The following ZEB2 variants were observed in gnomAD, a reference collection of about 807,000 sequenced individuals.
ZEB2 encodes zinc finger E-box-binding homeobox 2.
A neutral mutation model predicts 99.9 loss-of-function variants in ZEB2; 6 were observed. The observed-to-expected ratio is 0.06, with a 90% CI of 0.03 to 0.12. The LOEUF (loss-of-function observed/expected upper bound fraction) is 0.12. ZEB2 is among the 10% of genes least tolerant of loss of function. The probability of loss-of-function intolerance (pLI) is 1.00; values close to 1 mark genes in which losing one functional copy is unlikely to be tolerated. For synonymous variants in ZEB2, 517 were observed against 542.5 expected, an observed-to-expected ratio of 0.95 and a Z score of 0.65; for missense variants, 969 against 1,502.8, an observed-to-expected ratio of 0.64 and a Z score of 5.87.
At chr2:144,511,435 T>G (rs1293753026) in intron 2 of ZEB2, 1 of 1,245,924 alleles carries the variant, frequency 8.0e-7, no homozygotes, top group African/African-American at 1.6e-5. Flanking sequence ...GTTACACTTT[T>G]CCTGAGAGAT....
rs142587980 is a variant in ZEB2, at chr2:144,458,500, T to C, written c.74-28474A>G. Among the ~76,000 whole-genome samples, 23 of 152,234 alleles carry C rather than the reference T, an allele frequency of 1.5e-4. No individual in the cohort carries two copies. In the East Asian group the frequency reaches 4.0e-3, roughly 27 times the overall value. On this transcript the variant is annotated intron_variant, in intron 2 of 9. Transcript: ENST00000627532. ...TCACAGTATTCACCTTGGAATGATA[T>C]AGATATACTGGATATTATGAAGCTT...
chr2:144,457,327 T>C (rs532900699), intron 2 of ZEB2, among the ~76,000 whole-genome samples: 14 of 152,296 alleles, frequency 9.2e-5, no homozygotes, highest in African/African-American at 3.4e-4. Context: ...AACTGACTTT[T>C]TCCCACATCA....
chr2:144,455,884 A>T (rs1230565923), intron 2 of ZEB2, among the ~76,000 whole-genome samples: 1 of 152,150 alleles, frequency 6.6e-6, no homozygotes, highest in Non-Finnish European at 1.5e-5. Flanking sequence ...AAGGTAGGTT[A>T]TTAACCCCCA....
intron 2 of ZEB2, among the ~76,000 whole-genome samples, chr2:144,478,858 T>C (rs906020424): frequency 6.6e-6 from 1 of 152,228 alleles, no homozygotes; most frequent in African/African-American, 2.4e-5. Flanking sequence ...GGGAAATCTT[T>C]AGTGTAAAGC....
Position 144,399,896 on chromosome 2 carries a change from A to T in ZEB2, c.1291T>A (p.Ser431Thr), listed in dbSNP as rs1267201464. ...AAGTGCTGCATTGGACTCTGAGCAG[A>T]TGGATGAACTCCTAAAGGGCTGGTG... is the stretch of plus-strand genomic sequence containing the variant. ...GATSPLGVHP[S>T]AQSPMQHLGV... The change falls in exon 8 of 10, where the codon TCT becomes ACT. Residue 431 changes from serine (S) to threonine (T), a missense_variant. Transcript: ENST00000627532. This position sits in a 1 kb window ranked among gnomAD's most constrained non-coding sequence, Gnocchi z 5.6. The T allele has an allele frequency of 6.2e-7, 1 of 1,614,194 alleles. No homozygotes were observed. The highest frequency in any genetic ancestry group is 8.5e-7 in the Non-Finnish European group (1 of 1,180,024).
At chr2:144,465,855 C>T (rs1704263870) in intron 2 of ZEB2, among the ~76,000 whole-genome samples, 1 of 152,130 alleles carries the variant, frequency 6.6e-6, no homozygotes, top group Non-Finnish European at 1.5e-5. Flanking sequence ...CTACAGGAAG[C>T]CAGATGTGCC....
chr2:144,480,192 T>C (rs1704490514), intron 2 of ZEB2, among the ~76,000 whole-genome samples: 1 of 152,176 alleles, frequency 6.6e-6, no homozygotes, highest in Non-Finnish European at 1.5e-5. Context: ...TGGCTCCCCA[T>C]AAAAACTTTT....
At chr2:144,513,823 CAG>C (rs1560658799) in intron 2 of ZEB2, 2 of 1,535,474 alleles carry the variant, frequency 1.3e-6, no homozygotes, top group Non-Finnish European at 1.7e-6. Context: ...GGGGTATAAT[CAG>C]GGGAAAGAAA....
At chr2:144,445,685 C>T (rs1703973806) in intron 2 of ZEB2, among the ~76,000 whole-genome samples, 1 of 151,964 alleles carries the variant, frequency 6.6e-6, no homozygotes, top group South Asian at 2.1e-4. Flanking sequence ...CAACCACACA[C>T]AAAATGACAG....
chr2:144,470,593 A>G (rs960249046), intron 2 of ZEB2: 4 of 152,120 alleles, frequency 2.6e-5, no homozygotes, highest in African/African-American at 9.7e-5. Flanking sequence ...GTAAAATTCA[A>G]TTTTCAAAAA....
At chr2:144,517,220 T>C (rs1705168704) in intron 2 of ZEB2, 58 bp downstream of exon 2, 2 of 1,605,814 alleles carry the variant, frequency 1.2e-6, no homozygotes, top group Non-Finnish European at 1.7e-6. Flanking sequence ...CCCCTCCTTC[T>C]CCCTGGGTCT....
At chr2:144,516,133 C>T (rs1705134947) in intron 2 of ZEB2, 1 of 152,126 alleles carries the variant, frequency 6.6e-6, no homozygotes, top group Admixed American at 6.5e-5. Flanking sequence ...AGTTTCCTTT[C>T]CGAGTCTGGG....
chr2:144,385,428 TCC>T lies in ZEB2; in HGVS notation c.*4021_*4022del, dbSNP rs1001561801. On this transcript the variant is annotated 3_prime_UTR_variant, in exon 10 of 10. Transcript: ENST00000627532. ...CCCATGTGAATTCTTTGGTGTTTTTTCCCCCTCTTTTTTTAGTGCTATGATTG... is the reference window on the plus strand; with the variant it reads ...CCCATGTGAATTCTTTGGTGTTTTTTCCCTCTTTTTTTAGTGCTATGATTG... 2 of 152,152 alleles carry T rather than the reference TCC, an allele frequency of 1.3e-5. No individual in the cohort carries two copies. The highest frequency in any genetic ancestry group is 4.8e-5 in the African/African-American group (2 of 41,426). 9.4% of individuals were successfully genotyped at this position (152,152 alleles called of 1,614,324 possible). A position where few individuals can be genotyped will look rare whatever the true frequency, so the allele number is the denominator to read the frequency against.
At chr2:144,467,256 C>T (rs2149907461) in intron 2 of ZEB2, among the ~76,000 whole-genome samples, 1 of 151,902 alleles carries the variant, frequency 6.6e-6, no homozygotes, top group East Asian at 1.9e-4. Flanking sequence ...AAACATTTTT[C>T]CTCTTAAAGA....
At position 144,519,976 on chromosome 2, in the gene ZEB2, G is replaced by A; in HGVS notation, c.-107C>T. 2.2e-6 allele frequency: 1 copy of A among 454,478 alleles called. No individual in the cohort carries two copies. Among genetic ancestry groups the A allele is most frequent in the South Asian group, 1.6e-5 (1 of 64,468 alleles). 28.2% of individuals were successfully genotyped at this position (454,478 alleles called of 1,614,324 possible). ...GTTTGTAGTTTTGGCCAGAAATGGT[G>A]AGAAGAAAAAGCATGAAGAAGCCGC... On this transcript the variant is annotated 5_prime_UTR_variant, in exon 1 of 10. Coordinates refer to ENST00000627532, the MANE Select transcript of ZEB2 (RefSeq NM_014795.4).
At chr2:144,424,466 C>A (rs548847641) in intron 4 of ZEB2, 35 of 534,206 alleles carry the variant, frequency 6.6e-5, no homozygotes, top group Admixed American at 2.3e-4. Flanking sequence ...TATATCATAT[C>A]CTAATTTTAA....
chr2:144,466,995 C>T (rs1408435265), intron 2 of ZEB2, among the ~76,000 whole-genome samples: 1 of 152,084 alleles, frequency 6.6e-6, no homozygotes, highest in Non-Finnish European at 1.5e-5. Flanking sequence ...CAATTAAGGT[C>T]GCCAAAATAA....
At chr2:144,467,359 C>T (rs1704286877) in intron 2 of ZEB2, among the ~76,000 whole-genome samples, 1 of 151,998 alleles carries the variant, frequency 6.6e-6, no homozygotes, top group Admixed American at 6.6e-5. Context: ...AAAAGCAGAC[C>T]ACATGAAAAC....
At chr2:144,412,608 A>C (rs1465753410) in intron 4 of ZEB2, among the ~76,000 whole-genome samples, 1 of 152,232 alleles carries the variant, frequency 6.6e-6, no homozygotes, top group Non-Finnish European at 1.5e-5. Context: ...GTCTTTCACG[A>C]AATTCTGACC....
Sources: gnomAD v4.1 joint callset for allele counts (sites outside exome capture counted in the v4.1 genomes callset) on GRCh38, gnomAD v4.1.1 for gene constraint, Gnocchi (gnomAD v3.1) non-coding constraint, MANE v1.5 for transcripts, NCBI Gene and HGNC (gene_info 2026-07-23, HGNC 2026-07-21) for gene names.